Variants in RPRD1B observed in about 807,000 individuals in gnomAD.
The protein encoded by RPRD1B is regulation of nuclear pre-mRNA domain containing 1B.
RPRD1B carries 11 observed loss-of-function variants against 41.5 expected under a neutral mutation model. That is an observed-to-expected ratio of 0.27 (90% CI 0.17 to 0.44). The LOEUF is 0.44. RPRD1B is among the 20% of genes least tolerant of loss of function. RPRD1B has a pLI of 1.00. For synonymous variants in RPRD1B, 158 were observed against 155.6 expected (o/e 1.02, Z -0.12); for missense variants, 248 against 389.9 (o/e 0.64, Z 3.06).
At position 38,040,823 on chromosome 20, in the gene RPRD1B, T is replaced by G. The variant is rs2074058877; in HGVS notation, c.281+259T>G. Among the ~76,000 whole-genome samples the G allele has an allele frequency of 2.6e-5, 4 of 152,238 alleles. No individual in the cohort carries two copies. In the South Asian group the frequency reaches 8.3e-4, roughly 31 times the overall value. The stretch of plus-strand genomic sequence containing the variant: ...CATTTTCATTTTTTGAATTTATTTC[T>G]TGGTTATGGTATTTTCCTTGGTTTG... On this transcript the variant is annotated intron_variant, in intron 2 of 6. Coordinates refer to ENST00000373433, the MANE Select transcript of RPRD1B (RefSeq NM_021215.4).
At chr20:38,042,295 A>G (rs2074074386) in intron 2 of RPRD1B, among the ~76,000 whole-genome samples, 1 of 152,164 alleles carries the variant, frequency 6.6e-6, no homozygotes, top group African/African-American at 2.4e-5. Context: ...TCAAAGCTGT[A>G]GTGAGCTATA....
In RPRD1B at chr20:38,033,804, C is replaced by T. The variant is rs2073958326; in HGVS notation, c.-144C>T. The T allele has an allele frequency of 1.1e-5, 9 of 783,224 alleles. No homozygotes were observed. Among genetic ancestry groups the T allele is most frequent in the Non-Finnish European group, 1.8e-5 (9 of 510,396 alleles). 48.5% of individuals were successfully genotyped at this position (783,224 alleles called of 1,614,324 possible). On this transcript the variant is annotated 5_prime_UTR_variant, in exon 1 of 7. Coordinates refer to ENST00000373433, the MANE Select transcript of RPRD1B (RefSeq NM_021215.4). The stretch of plus-strand genomic sequence containing the variant: ...GGCTGTTACTGCGGAGACCCATCCC[C>T]TCCCCCTTCTCGCACCCCTGGCAGT...
rs2074109551 is a variant in RPRD1B, at chr20:38,045,243, C to G, written c.282-3105C>G. On this transcript the variant is annotated intron_variant, in intron 2 of 6. Coordinates refer to ENST00000373433, the MANE Select transcript of RPRD1B (RefSeq NM_021215.4). ...AGATTGTTGGCAAAGATTGTTCAGTCTTTTTTTCCACTTAAAGATTTCTCA... is the reference window on the plus strand; with the variant it reads ...AGATTGTTGGCAAAGATTGTTCAGTGTTTTTTTCCACTTAAAGATTTCTCA... Among the ~76,000 whole-genome samples the G allele has an allele frequency of 2.0e-5, 3 of 152,162 alleles. No individual in the cohort carries two copies. In the South Asian group the frequency reaches 6.2e-4, roughly 32 times the overall value.
At chr20:38,066,680 C>T (rs777599205) in intron 6 of RPRD1B, among the ~76,000 whole-genome samples, 22 of 151,876 alleles carry the variant, frequency 1.4e-4, no homozygotes, top group Non-Finnish European at 3.2e-4. Context: ...TTTTGAGACG[C>T]AGTCTCGCTC....
intron 3 of RPRD1B, among the ~76,000 whole-genome samples, chr20:38,050,570 A>G (rs1028008930): frequency 3.9e-5 from 6 of 152,216 alleles, no homozygotes; most frequent in African/African-American, 1.4e-4. Flanking sequence ...TTGAATTTCA[A>G]TTTAATGTAC....
rs376318992 is a variant in RPRD1B at position 38,036,573 on chromosome 20, G to T, written c.151+2475G>T. ...TTGCAACACCACAGGATATCGCGTG[G>T]TGCCTGTTATATAGTTTAAAAATAG... On this transcript the variant is annotated intron_variant, in intron 1 of 6. Coordinates refer to ENST00000373433, the MANE Select transcript of RPRD1B (RefSeq NM_021215.4). Among the ~76,000 whole-genome samples the T allele has an allele frequency of 3.9e-5, 6 of 152,304 alleles. No individual in the cohort carries two copies. The East Asian group carries it at 5.8e-4, about 15-fold the overall frequency.
In RPRD1B at chr20:38,071,869, G is replaced by A. The variant is rs532804412; in HGVS notation, c.831+5613G>A. Among the ~76,000 whole-genome samples, 155 of 152,192 alleles carry A rather than the reference G, an allele frequency of 1.0e-3. 1 individual carries two copies. Among genetic ancestry groups the A allele is most frequent in the African/African-American group, 3.7e-3 (152 of 41,530 alleles). ...ATTCCTTTGCCCATTTTCAAATTGG[G>A]TTATTTGCTTTTTTTGAGTTGTAAA... On this transcript the variant is annotated intron_variant, in intron 6 of 6. Transcript: ENST00000373433.
chr20:38,077,833 C>A (rs964069448), intron 6 of RPRD1B, among the ~76,000 whole-genome samples: 4 of 152,118 alleles, frequency 2.6e-5, no homozygotes, highest in African/African-American at 4.8e-5. Flanking sequence ...GCATGTCATT[C>A]CCCTGTTTAA....
At position 38,089,797 on chromosome 20, in the gene RPRD1B, A is replaced by G. The variant is rs1183050937; in HGVS notation, c.903A>G (p.Pro301=). The G allele has an allele frequency of 3.1e-6, 5 of 1,614,212 alleles. No individual in the cohort carries two copies. Among genetic ancestry groups the G allele is most frequent in the South Asian group, 1.1e-5 (1 of 91,088 alleles). Residue 301 remains proline (P), a synonymous_variant, in exon 7 of 7, where the codon CCA becomes CCG. Transcript: ENST00000373433. The part of the protein sequence containing the change: ...KELKSHIQSL[P]DLSLLPNVTG... ...TGAAATCCCATATTCAGAGCTTGCC[A>G]GACCTCTCACTGCTGCCCAACGTCA...
At chr20:38,076,905 C>CTTTTTTTTTTTTTT (rs1568660539) in intron 6 of RPRD1B, among the ~76,000 whole-genome samples, 1 of 95,196 alleles carries the variant, frequency 1.1e-5, no homozygotes, top group African/African-American at 4.1e-5. Context: ...TCATTCTGGA[C>CTTTTTTTTTTTTTT]CTTTTTTTTT....
intron 6 of RPRD1B, among the ~76,000 whole-genome samples, chr20:38,072,828 T>G (rs573180089): frequency 1.3e-5 from 2 of 152,260 alleles, no homozygotes; most frequent in South Asian, 2.1e-4. Context: ...CTAGAAGATA[T>G]GAGTATTTTG....
chr20:38,059,829 A>C (rs1220643576), intron 5 of RPRD1B, among the ~76,000 whole-genome samples: 1 of 152,170 alleles, frequency 6.6e-6, no homozygotes, highest in Non-Finnish European at 1.5e-5. Flanking sequence ...GGGGGAGATT[A>C]GGTATTATTC....
At chr20:38,082,456 G>T (rs1489628279) in intron 6 of RPRD1B, among the ~76,000 whole-genome samples, 2 of 152,120 alleles carry the variant, frequency 1.3e-5, no homozygotes, top group East Asian at 3.9e-4. Context: ...GCGCCATCTC[G>T]GCTCAGTGCA....
chr20:38,072,029 A>G (rs547185135), intron 6 of RPRD1B, among the ~76,000 whole-genome samples: 12 of 152,072 alleles, frequency 7.9e-5, no homozygotes, highest in South Asian at 2.1e-4. Flanking sequence ...ATGAGTTCCA[A>G]TTTATCTATT....
chr20:38,035,923 C>G (rs2073998812), intron 1 of RPRD1B, among the ~76,000 whole-genome samples: 2 of 152,020 alleles, frequency 1.3e-5, no homozygotes, highest in Admixed American at 6.6e-5. Context: ...CGCCACCACA[C>G]CCAGCTAATT....
intron 6 of RPRD1B, among the ~76,000 whole-genome samples, chr20:38,086,166 CTT>C (rs1302207819): frequency 6.6e-6 from 1 of 152,110 alleles, no homozygotes; most frequent in Non-Finnish European, 1.5e-5. Context: ...TTACAGATGA[CTT>C]TGTTTGGAAA....
At position 38,089,897 on chromosome 20, in the gene RPRD1B, TTC is replaced by T; in HGVS notation, c.*24_*25del. The T allele has an allele frequency of 1.2e-6, 2 of 1,608,378 alleles. No homozygotes were observed. ...CTAGGATGGGTGTCATGTCCCAGAT[TTC>T]TGTTTGTACCAGCAGAAAGAAGAGG... On this transcript the variant is annotated 3_prime_UTR_variant, in exon 7 of 7. Transcript: ENST00000373433.
At chr20:38,080,008 A>G (rs942974689) in intron 6 of RPRD1B, among the ~76,000 whole-genome samples, 2 of 152,170 alleles carry the variant, frequency 1.3e-5, no homozygotes, top group East Asian at 3.8e-4. Flanking sequence ...TGTTGGCTGC[A>G]TGTATGTCTT....
intron 1 of RPRD1B, among the ~76,000 whole-genome samples, chr20:38,034,338 A>C (rs556279911): frequency 9.8e-4 from 149 of 152,314 alleles, no homozygotes; most frequent in African/African-American, 3.5e-3. Flanking sequence ...TAGTTCATCA[A>C]GCCATTTTCC....
Sources: gnomAD v4.1 joint callset for allele counts (sites outside exome capture counted in the v4.1 genomes callset) on GRCh38, gnomAD v4.1.1 for gene constraint, MANE v1.5 for transcripts, NCBI Gene and HGNC (gene_info 2026-07-23, HGNC 2026-07-21) for gene names.